Variants in ACOX1 observed in about 807,000 individuals in gnomAD.
The protein encoded by ACOX1 is acyl-CoA oxidase 1.
Under a neutral mutation model 75.5 loss-of-function variants are expected in ACOX1, and 41 were observed. The ratio of observed to expected loss-of-function variants is 0.54; its 90% CI spans 0.42 to 0.70. The LOEUF is 0.70. ACOX1 is among the 30% of genes least tolerant of loss of function. The probability of loss-of-function intolerance (pLI) is 0.00; values close to 1 mark genes in which losing one functional copy is unlikely to be tolerated. For missense variants in ACOX1, 630 were observed against 837.5 expected (o/e 0.75, Z 3.06); for synonymous variants, 303 against 298.8 (o/e 1.01, Z -0.15).
rs1330606748 is a variant in ACOX1 at position 75,960,701 on chromosome 17, A to T, written c.270-326T>A. On this transcript the variant is annotated intron_variant, in intron 2 of 13. Coordinates refer to ENST00000293217, the MANE Select transcript of ACOX1 (RefSeq NM_004035.7). This position sits in a 1 kb window ranked among gnomAD's most constrained non-coding sequence, Gnocchi z 4.4. ...GGAAATAAAGAAAATTTGAGAGGCC[A>T]GTGCAGTGGATCATGCCTACAATCT... Among the ~76,000 whole-genome samples the T allele has an allele frequency of 2.6e-5, 4 of 152,208 alleles. No individual in the cohort carries two copies. The highest frequency in any genetic ancestry group is 4.4e-5 in the Non-Finnish European group (3 of 68,036).
rs997541935 is a variant in ACOX1, at chr17:75,950,253, T to C, written c.1299-356A>G. On this transcript the variant is annotated intron_variant, in intron 9 of 13. Transcript: ENST00000293217. The surrounding 1 kb of genome is among the most constrained non-coding windows in gnomAD (Gnocchi z 4.3). The stretch of plus-strand genomic sequence containing the variant: ...CAGGAGTAAGCCACCACACCTGGCC[T>C]TTTTTTTTTTGATGGAGTTTTCGCT... Among the ~76,000 whole-genome samples the C allele has an allele frequency of 7.9e-5, 10 of 126,648 alleles. No individual in the cohort carries two copies. Among genetic ancestry groups the C allele is most frequent in the Non-Finnish European group, 1.4e-4 (9 of 64,518 alleles). The allele number at this position is 126,648 out of a possible 152,430, so 83.1% of individuals were successfully genotyped here.
At chr17:75,959,587 G>A (rs2144269908) in intron 3 of ACOX1, among the ~76,000 whole-genome samples, 1 of 152,266 alleles carries the variant, frequency 6.6e-6, no homozygotes, top group Non-Finnish European at 1.5e-5. Context: ...GCCCACCCAG[G>A]TGCATGAAGA....
At chr17:75,948,168 G>A in intron 13 of ACOX1, 83 bp downstream of exon 13, 2 of 1,415,600 alleles carry the variant, frequency 1.4e-6, no homozygotes, top group Non-Finnish European at 2.0e-6. Context: ...AGCTTTCACA[G>A]ATAAATCCCC....
intron 2 of ACOX1, among the ~76,000 whole-genome samples, chr17:75,973,079 T>A (rs2066011947): frequency 6.6e-6 from 1 of 152,202 alleles, no homozygotes; most frequent in Non-Finnish European, 1.5e-5. Flanking sequence ...AAAGAATTAC[T>A]GGCAACACAA....
intron 4 of ACOX1, among the ~76,000 whole-genome samples, chr17:75,957,039 A>T: frequency 6.8e-6 from 1 of 146,816 alleles, no homozygotes; most frequent in Non-Finnish European, 1.5e-5. Context: ...GTCTATATAC[A>T]CACACACACA....
At chr17:75,956,313 T>A (rs2065823380) in intron 4 of ACOX1, among the ~76,000 whole-genome samples, 1 of 152,148 alleles carries the variant, frequency 6.6e-6, no homozygotes. Flanking sequence ...ATATATAATG[T>A]GAATAACAAA....
At position 75,978,731 on chromosome 17, in the gene ACOX1, C is replaced by A; in HGVS notation, c.110-38G>T. Reference sequence around the variant, plus strand: ...TAAAGGGCATTAAAAGGCAGACAGACACTCGGGCCTCCGTTCCACCCTCCC... The same window carrying A: ...TAAAGGGCATTAAAAGGCAGACAGAAACTCGGGCCTCCGTTCCACCCTCCC... On this transcript the variant is annotated intron_variant, in intron 1 of 13. Coordinates refer to ENST00000293217, the MANE Select transcript of ACOX1 (RefSeq NM_004035.7). This position sits in a 1 kb window ranked among gnomAD's most constrained non-coding sequence, Gnocchi z 4.2. The A allele has an allele frequency of 1.2e-6, 2 of 1,612,692 alleles. No homozygotes were observed. Among genetic ancestry groups the A allele is most frequent in the Non-Finnish European group, 1.7e-6 (2 of 1,180,014 alleles).
chr17:75,971,523 C>T (rs2065994278), intron 2 of ACOX1, among the ~76,000 whole-genome samples: 2 of 151,776 alleles, frequency 1.3e-5, no homozygotes, highest in Admixed American at 6.6e-5. Context: ...AGGTGGATCA[C>T]CTGAGGTAAG....
At chr17:75,977,146 C>T (rs927292329) in intron 2 of ACOX1, among the ~76,000 whole-genome samples, 2 of 151,114 alleles carry the variant, frequency 1.3e-5, no homozygotes, top group African/African-American at 4.9e-5. Context: ...CCCAGAAGCG[C>T]ACCACCAGGC....
rs1488675824 is a variant in ACOX1 at position 75,943,692 on chromosome 17, G to A, written c.*3056C>T. On this transcript the variant is annotated 3_prime_UTR_variant, in exon 14 of 14. Coordinates refer to ENST00000293217, the MANE Select transcript of ACOX1 (RefSeq NM_004035.7). ...ATAAGCTGATACTTAGTAGTGATAT[G>A]TTCTAAAGACAAGAACATGAGGGCC... The A allele has an allele frequency of 6.6e-6, 1 of 152,188 alleles. No individual in the cohort carries two copies. The highest frequency in any genetic ancestry group is 2.4e-5 in the African/African-American group (1 of 41,432). 9.4% of individuals were successfully genotyped at this position (152,188 alleles called of 1,614,324 possible).
At chr17:75,968,829 G>A (rs551623758) in intron 2 of ACOX1, among the ~76,000 whole-genome samples, 1 of 151,424 alleles carries the variant, frequency 6.6e-6, no homozygotes, top group South Asian at 2.1e-4. Context: ...GGCCGAGGGA[G>A]GAGAATCGCT....
intron 2 of ACOX1, among the ~76,000 whole-genome samples, chr17:75,967,645 C>T (rs1303245751): frequency 5.6e-5 from 5 of 89,470 alleles, no homozygotes; most frequent in African/African-American, 1.8e-4. Flanking sequence ...CATATATATA[C>T]GTATATATAT....
intron 4 of ACOX1, among the ~76,000 whole-genome samples, chr17:75,957,230 G>C (rs548137546): frequency 1.3e-5 from 2 of 151,404 alleles, no homozygotes; most frequent in African/African-American, 4.9e-5. Flanking sequence ...ACAGGTGTGC[G>C]CCACCACACC....
chr17:75,957,555 G>C lies in ACOX1; in HGVS notation c.442C>G (p.Arg148Gly). 6.2e-7 allele frequency: 1 copy of C among 1,613,780 alleles called. No individual in the cohort carries two copies. Among genetic ancestry groups the C allele is most frequent in the Non-Finnish European group, 8.5e-7 (1 of 1,179,770 alleles). The change falls in exon 4 of 14, where the codon CGA becomes GGA. Residue 148 changes from arginine (R) to glycine (G), a missense_variant. By Grantham distance (125) the Arg-to-Gly change is moderately radical. This residue lies in a region of ACOX1 where 390 missense variants were observed against 574.9 expected (regional missense o/e 0.68). Coordinates refer to ENST00000293217, the MANE Select transcript of ACOX1 (RefSeq NM_004035.7). Reference sequence around the variant, plus strand: ...TACGTGGCTGTGGTTTCCAAGCCTCGAAGGTGAGTTCCTAAGGAGATAAAT... The same window carrying C: ...TACGTGGCTGTGGTTTCCAAGCCTCCAAGGTGAGTTCCTAAGGAGATAAAT... ...QTEMGHGTHL[R>G]GLETTATYDP... is the part of the protein sequence containing the mutation.
intron 7 of ACOX1, chr17:75,953,158 C>A: frequency 3.0e-6 from 1 of 332,914 alleles, no homozygotes; most frequent in Non-Finnish European, 5.9e-6. Context: ...TTGAACATTT[C>A]ACTTATAAAG....
intron 2 of ACOX1, among the ~76,000 whole-genome samples, chr17:75,965,703 C>T (rs1465936836): frequency 2.0e-5 from 3 of 152,084 alleles, no homozygotes; most frequent in Admixed American, 6.6e-5. Flanking sequence ...CGCGGTGTCA[C>T]GAGCCCATAC....
chr17:75,953,280 C>CT (rs779994220), intron 7 of ACOX1, 171 bp downstream of exon 7: 138 of 684,236 alleles, frequency 2.0e-4, no homozygotes, highest in Non-Finnish European at 3.2e-4. Flanking sequence ...TTATTTCTGT[C>CT]TTTCCTCTTA....
chr17:75,949,471 G>A, intron 11 of ACOX1, 24 bp downstream of exon 11: 1 of 1,612,654 alleles, frequency 6.2e-7, no homozygotes, highest in African/African-American at 1.3e-5. Flanking sequence ...CAGGGAAGGG[G>A]AAAAAGAGAG....
rs759944217 is a variant in ACOX1 at position 75,950,756 on chromosome 17, C to G, written c.1298+18G>C. 1.2e-6 allele frequency: 2 copies of G among 1,612,028 alleles called. No homozygotes were observed. The highest frequency in any genetic ancestry group is 1.7e-6 in the Non-Finnish European group (2 of 1,178,492). On this transcript the variant is annotated intron_variant, in intron 9 of 13. Coordinates refer to ENST00000293217, the MANE Select transcript of ACOX1 (RefSeq NM_004035.7). The surrounding 1 kb of genome is among the most constrained non-coding windows in gnomAD (Gnocchi z 4.3). ...ATTCTTATGAACAGATGGGAGGAAT[C>G]GAGGATTTGACTCTCACCTAGCCGT...
Sources: gnomAD v4.1 joint callset for allele counts (sites outside exome capture counted in the v4.1 genomes callset) on GRCh38, gnomAD v4.1.1 for gene constraint, gnomAD v4.1.1 regional missense constraint, Gnocchi (gnomAD v3.1) non-coding constraint, MANE v1.5 for transcripts, NCBI Gene and HGNC (gene_info 2026-07-23, HGNC 2026-07-21) for gene names.